The following POLE3 variants were observed in gnomAD, a reference collection of about 807,000 sequenced individuals.
POLE3 encodes the protein DNA polymerase epsilon subunit 3.
Under a neutral mutation model 16.1 loss-of-function variants are expected in POLE3, and 10 were observed. The ratio of observed to expected loss-of-function variants is 0.62; its 90% confidence interval spans 0.38 to 1.05. POLE3 has a LOEUF of 1.05. Among genes scored for constraint, POLE3 ranks in the 50% least tolerant of loss-of-function variants. The pLI, the probability that POLE3 is intolerant of heterozygous loss-of-function variation, is 0.01. For synonymous variants in POLE3, 83 were observed against 71.0 expected (o/e 1.17, Z -0.85); for missense variants, 169 against 185.0 (o/e 0.91, Z 0.50).
Position 113,410,404 on chromosome 9 carries a change from G to A in POLE3, c.-111C>T. On this transcript the variant is annotated 5_prime_UTR_variant, in exon 2 of 5. The change creates a new upstream start codon in the 5' untranslated region. Transcript: ENST00000374171. The stretch of plus-strand genomic sequence containing the variant: ...CTGCGAGGTTTCCGTTCCGCCCCAC[G>A]TGGCCTACAGTGTCCCACAGTGCTC... 1 of 954,762 alleles carries A rather than the reference G, an allele frequency of 1.0e-6. No individual in the cohort carries two copies. The highest frequency in any genetic ancestry group is 1.6e-6 in the Non-Finnish European group (1 of 617,126). The allele number at this position is 954,762 out of a possible 1,614,324, so 59.1% of individuals were successfully genotyped here. A position where few individuals can be genotyped will look rare whatever the true frequency, so the allele number is the denominator to read the frequency against.
chr9:113,409,046 G>A (rs1431312231), intron 4 of POLE3, 63 bp from the exon 5 acceptor site: 4 of 1,465,346 alleles, frequency 2.7e-6, no homozygotes, highest in Admixed American at 3.5e-5. Context: ...GACTGCAGGA[G>A]CTAATTACAT....
chr9:113,410,060 T>C lies in POLE3; in HGVS notation c.147A>G (p.Thr49=). The C allele has an allele frequency of 1.3e-6, 2 of 1,564,354 alleles. No homozygotes were observed. The highest frequency in any genetic ancestry group is 1.7e-6 in the Non-Finnish European group (2 of 1,154,504). Residue 49 remains threonine, a synonymous_variant, in exon 3 of 5, where the codon ACA becomes ACG. Transcript: ENST00000374171. Reference sequence around the variant, plus strand: ...TATGCCTCTGTCCCGCTCACCAGGATGTGGCGTACAGCACGAAGACGCTGG... The same window carrying C: ...TATGCCTCTGTCCCGCTCACCAGGACGTGGCGTACAGCACGAAGACGCTGG... ...RAASVFVLYA[T]SCANNFAMKG...
chr9:113,409,370 A>AC (rs1828018672), intron 4 of POLE3, among the ~76,000 whole-genome samples: 2 of 151,686 alleles, frequency 1.3e-5, no homozygotes, highest in Admixed American at 1.3e-4. Flanking sequence ...AAAAAAAAAA[A>AC]AAAAAAAACA....
At position 113,408,875 on chromosome 9, in the gene POLE3, T is replaced by C. The variant is rs1473101189; in HGVS notation, c.380A>G (p.Asn127Ser). Residue 127 changes from asparagine to serine, a missense_variant, in exon 5 of 5, where the codon AAT (asparagine) becomes AGT (serine). Transcript: ENST00000374171. The part of the protein sequence containing the change: ...EEQDKSRDED[N>S]DEDEERLEEE... ...TTCCAGCCTTTCTTCGTCTTCATCA[T>C]TGTCCTCATCCCTGCTCTTGTCTTG... is the stretch of plus-strand genomic sequence containing the variant. The C allele has an allele frequency of 1.9e-6, 3 of 1,612,456 alleles. No individual in the cohort carries two copies. Among genetic ancestry groups the C allele is most frequent in the Non-Finnish European group, 2.5e-6 (3 of 1,179,434 alleles).
Position 113,408,190 on chromosome 9 carries a change from T to C in POLE3, c.*621A>G, listed in dbSNP as rs1827978024. 2.0e-5 allele frequency: 3 copies of C among 152,314 alleles called. No individual in the cohort carries two copies. Among genetic ancestry groups the C allele is most frequent in the Admixed American group, 2.0e-4 (3 of 15,292 alleles). The allele number at this position is 152,314 out of a possible 1,614,324, so 9.4% of individuals were successfully genotyped here. On this transcript the variant is annotated 3_prime_UTR_variant, in exon 5 of 5. Coordinates refer to ENST00000374171, the MANE Select transcript of POLE3 (RefSeq NM_017443.5). ...TACTACCACACCAGCAGGCCGATCA[T>C]CTACAGGCAATATAGAAAGGTTTTG...
rs35933626 is a variant in POLE3, at chr9:113,408,850, T to G, written c.405A>C (p.Glu135Asp). 1 of 1,613,646 alleles carries G rather than the reference T, an allele frequency of 6.2e-7. No homozygotes were observed. The highest frequency in any genetic ancestry group is 1.3e-5 in the African/African-American group (1 of 75,030). ...CTTCCTCTTCATTCTGTTCTTCTTC[T>G]TCCAGCCTTTCTTCGTCTTCATCAT... ...EDNDEDEERL[E>D]EEEQNEEEEV... Residue 135 changes from glutamate (E) to aspartate (D), a missense_variant, in exon 5 of 5, where the codon GAA becomes GAC. Coordinates refer to ENST00000374171, the MANE Select transcript of POLE3 (RefSeq NM_017443.5).
intron 3 of POLE3, 34 bp from the exon 4 acceptor site, chr9:113,409,762 T>C (rs763748392): frequency 7.3e-7 from 1 of 1,375,920 alleles, no homozygotes; most frequent in South Asian, 1.2e-5. Flanking sequence ...GACTCCCTCT[T>C]GTTTGTAAGG....
Position 113,408,655 on chromosome 9 carries a change from C to G in POLE3, c.*156G>C. 4.7e-6 allele frequency: 3 copies of G among 637,272 alleles called. No individual in the cohort carries two copies. The highest frequency in any genetic ancestry group is 2.6e-5 in the East Asian group (1 of 38,354). The allele number at this position is 637,272 out of a possible 1,614,324, so 39.5% of individuals were successfully genotyped here. On this transcript the variant is annotated 3_prime_UTR_variant, in exon 5 of 5. Coordinates refer to ENST00000374171, the MANE Select transcript of POLE3 (RefSeq NM_017443.5). ...TCAGATGCTCTGAGTTTGGTAAGTG[C>G]TGGTTTTGACGGTATTTCTAGTCAG... is the stretch of plus-strand genomic sequence containing the variant.
In POLE3 at chr9:113,410,366, C is replaced by T; in HGVS notation, c.-73G>A. On this transcript the variant is annotated 5_prime_UTR_variant, in exon 2 of 5. Transcript: ENST00000374171. ...TACTGCGTCCGGACTTCCCGCGTCG[C>T]TACGGTCTGACCCTGCGAGGTTTCC... 1 of 1,418,314 alleles carries T rather than the reference C, an allele frequency of 7.1e-7. No homozygotes were observed. The highest frequency in any genetic ancestry group is 1.2e-5 in the South Asian group (1 of 83,862). The allele number at this position is 1,418,314 out of a possible 1,614,324, so 87.9% of individuals were successfully genotyped here. A position where few individuals can be genotyped will look rare whatever the true frequency, so the allele number is the denominator to read the frequency against.
chr9:113,410,423 A>G lies in POLE3; in HGVS notation c.-115-15T>C. The G allele has an allele frequency of 1.3e-6, 1 of 787,302 alleles. No individual in the cohort carries two copies. The highest frequency in any genetic ancestry group is 2.1e-6 in the Non-Finnish European group (1 of 472,268). 48.8% of individuals were successfully genotyped at this position (787,302 alleles called of 1,614,324 possible). ...CCCCACGTGGCCTACAGTGTCCCAC[A>G]GTGCTCTGAGCGCCATAGCCTCCCT... On this transcript the variant is annotated splice_polypyrimidine_tract_variant and intron_variant, in intron 1 of 4. Transcript: ENST00000374171.
Position 113,408,947 on chromosome 9 carries a change from G to C in POLE3, c.308C>G (p.Ser103Ter), listed in dbSNP as rs145458529. 124 of 1,613,698 alleles carry C rather than the reference G, an allele frequency of 7.7e-5. No homozygotes were observed. Among genetic ancestry groups the C allele is most frequent in the Non-Finnish European group, 9.3e-5 (110 of 1,179,928 alleles). ...RREQKGKKEA[S>*]EQKKKDKDKK... Reference sequence around the variant, plus strand: ...GTCTTTGTCCTTCTTCTTTTGCTCTGAGGCCTCCTTCTTGCCTTTCTGCTC... The same window carrying C: ...GTCTTTGTCCTTCTTCTTTTGCTCTCAGGCCTCCTTCTTGCCTTTCTGCTC... The change falls in exon 5 of 5, where the codon TCA becomes TGA. Residue 103 changes from serine (S) to a stop codon, truncating the protein, a stop_gained. Transcript: ENST00000374171. LOFTEE classifies it high-confidence loss of function.
At position 113,410,431 on chromosome 9, in the gene POLE3, G is replaced by A. The variant is rs960827090; in HGVS notation, c.-115-23C>T. ...GGCCTACAGTGTCCCACAGTGCTCT[G>A]AGCGCCATAGCCTCCCTCCTCCCCC... On this transcript the variant is annotated intron_variant, in intron 1 of 4. Transcript: ENST00000374171. 2.4e-4 allele frequency: 174 copies of A among 728,082 alleles called. 3 individuals are homozygous for A. The highest frequency in any genetic ancestry group is 7.9e-4 in the South Asian group (49 of 62,068). 45.1% of individuals were successfully genotyped at this position (728,082 alleles called of 1,614,324 possible). A position where few individuals can be genotyped will look rare whatever the true frequency, so the allele number is the denominator to read the frequency against.
At chr9:113,409,359 C>CAAA (rs35481754) in intron 4 of POLE3, among the ~76,000 whole-genome samples, 11 of 89,492 alleles carry the variant, frequency 1.2e-4, no homozygotes, top group South Asian at 3.8e-4. Flanking sequence ...GACTCCGTCT[C>CAAA]AAAAAAAAAA....
rs1828068801 is a variant in POLE3, at chr9:113,410,231, C to A, written c.63G>T (p.Glu21Asp). Residue 21 changes from glutamate to aspartate, a missense_variant, in exon 2 of 5, where the codon GAG becomes GAT. Glu to Asp is a conservative substitution (Grantham distance 45). Coordinates refer to ENST00000374171, the MANE Select transcript of POLE3 (RefSeq NM_017443.5). ...CCGCCCCCCCCGAGCTGCTCACCGC[C>A]TCCTTGATGATCCTGGTGATCACGG... is the stretch of plus-strand genomic sequence containing the variant. ...PNAVITRIIKEALPDGVNISK... is the reference protein window; with the variant it reads ...PNAVITRIIKDALPDGVNISK... 6.2e-7 allele frequency: 1 copy of A among 1,613,714 alleles called. No homozygotes were observed. The highest frequency in any genetic ancestry group is 1.1e-5 in the South Asian group (1 of 91,014).
Position 113,410,355 on chromosome 9 carries a change from T to A in POLE3, c.-62A>T. Reference sequence around the variant, plus strand: ...CTTCAGGGAGCTACTGCGTCCGGACTTCCCGCGTCGCTACGGTCTGACCCT... The same window carrying A: ...CTTCAGGGAGCTACTGCGTCCGGACATCCCGCGTCGCTACGGTCTGACCCT... On this transcript the variant is annotated 5_prime_UTR_variant, in exon 2 of 5. The change creates a new upstream start codon in the 5' untranslated region. Coordinates refer to ENST00000374171, the MANE Select transcript of POLE3 (RefSeq NM_017443.5). The A allele has an allele frequency of 7.4e-7, 1 of 1,346,152 alleles. No homozygotes were observed. The highest frequency in any genetic ancestry group is 1.1e-6 in the Non-Finnish European group (1 of 951,700). 83.4% of individuals were successfully genotyped at this position (1,346,152 alleles called of 1,614,324 possible).
At chr9:113,409,961 G>T in intron 3 of POLE3, 94 bp downstream of exon 3, 1 of 1,031,568 alleles carries the variant, frequency 9.7e-7, no homozygotes, top group Non-Finnish European at 1.4e-6. Context: ...TGTCCCCACC[G>T]AGGGAGAACA....
Position 113,410,257 on chromosome 9 carries a change from C to T in POLE3, c.37G>A (p.Ala13Thr), listed in dbSNP as rs1828069758. ...ERPEDLNLPNAVITRIIKEAL... is the reference protein window; with the variant it reads ...ERPEDLNLPNTVITRIIKEAL... ...TCCTTGATGATCCTGGTGATCACGGCATTGGGCAGGTTTAGGTCCTCGGGC... is the reference window on the plus strand; with the variant it reads ...TCCTTGATGATCCTGGTGATCACGGTATTGGGCAGGTTTAGGTCCTCGGGC... The change falls in exon 2 of 5, where the codon GCC (alanine) becomes ACC (threonine). Residue 13 changes from alanine (A) to threonine (T), a missense_variant. Coordinates refer to ENST00000374171, the MANE Select transcript of POLE3 (RefSeq NM_017443.5). The T allele has an allele frequency of 6.2e-7, 1 of 1,613,898 alleles. No individual in the cohort carries two copies. Among genetic ancestry groups the T allele is most frequent in the South Asian group, 1.1e-5 (1 of 91,050 alleles).
chr9:113,410,511 G>A lies in POLE3; in HGVS notation c.-115-103C>T, dbSNP rs1828083942. The A allele has an allele frequency of 8.3e-6, 5 of 601,046 alleles. 1 individual carries two copies. The highest frequency in any genetic ancestry group is 7.9e-5 in the South Asian group (4 of 50,862). The allele number at this position is 601,046 out of a possible 1,614,324, so 37.2% of individuals were successfully genotyped here. A position where few individuals can be genotyped will look rare whatever the true frequency, so the allele number is the denominator to read the frequency against. On this transcript the variant is annotated intron_variant, in intron 1 of 4. Transcript: ENST00000374171. ...CGCATCCGGATTTTGAAGCCGCAGTGGTTTTGGCCCGCCAAGGCTTCCATC... is the reference window on the plus strand; with the variant it reads ...CGCATCCGGATTTTGAAGCCGCAGTAGTTTTGGCCCGCCAAGGCTTCCATC...
At chr9:113,409,831 T>A in intron 3 of POLE3, 103 bp from the exon 4 acceptor site, 1 of 842,094 alleles carries the variant, frequency 1.2e-6, no homozygotes, top group East Asian at 2.4e-5. Flanking sequence ...CTTACATGTA[T>A]GGATTTTGGT....
Sources: gnomAD v4.1 joint callset for allele counts (sites outside exome capture counted in the v4.1 genomes callset) on GRCh38, gnomAD v4.1.1 for gene constraint, MANE v1.5 for transcripts, NCBI Gene and HGNC (gene_info 2026-07-23, HGNC 2026-07-21) for gene names.